DIAPH2: variants seen among roughly 807,000 people sequenced by gnomAD.
DIAPH2 encodes the protein protein diaphanous homolog 2.
In DIAPH2, 35 loss-of-function variants were observed where a neutral mutation model predicts 92.7. The ratio of observed to expected loss-of-function variants is 0.38; its 90% confidence interval spans 0.29 to 0.50. DIAPH2 has a LOEUF of 0.50. DIAPH2 is among the 20% of genes least tolerant of loss of function. DIAPH2 has a pLI of 0.94. For missense variants in DIAPH2, 701 were observed against 819.5 expected, an observed-to-expected ratio of 0.86 and a Z score of 1.77; for synonymous variants, 301 against 280.4, an observed-to-expected ratio of 1.07 and a Z score of -0.73.
At chrX:97,027,325 A>G (rs189080981) in intron 17 of DIAPH2, among the ~76,000 whole-genome samples, 5 of 112,281 alleles carry the variant, frequency 4.5e-5, no homozygotes, top group Non-Finnish European at 7.5e-5. Context: ...AAAATAATAG[A>G]TAAATCTAAA....
chrX:97,082,906 C>T (rs1025721344), intron 19 of DIAPH2, among the ~76,000 whole-genome samples: 1 of 111,674 alleles, frequency 9.0e-6, no homozygotes, highest in African/African-American at 3.3e-5. Flanking sequence ...CCCCAGCTAG[C>T]TCCCTATTCA....
intron 12 of DIAPH2, 81 bp downstream of exon 12, chrX:96,939,463 G>A (rs1280452505): frequency 3.5e-6 from 1 of 286,168 alleles, no homozygotes; most frequent in Non-Finnish European, 6.3e-6. Context: ...TGGGGCCTAA[G>A]CAATATATGC....
At chrX:96,994,334 A>G (rs2066090928) in intron 17 of DIAPH2, among the ~76,000 whole-genome samples, 1 of 112,027 alleles carries the variant, frequency 8.9e-6, no homozygotes, top group South Asian at 3.8e-4. Context: ...TGTCTTGCTC[A>G]TGCAGCAAGT....
At chrX:97,061,356 A>G (rs1447500684) in intron 17 of DIAPH2, among the ~76,000 whole-genome samples, 2 of 111,957 alleles carry the variant, frequency 1.8e-5, no homozygotes, top group African/African-American at 6.5e-5. Flanking sequence ...TCAGTTCTGG[A>G]CTTTTATTAG....
chrX:96,874,848 TAAG>T (rs2065168203), intron 4 of DIAPH2, among the ~76,000 whole-genome samples: 1 of 112,220 alleles, frequency 8.9e-6, no homozygotes, highest in Non-Finnish European at 1.9e-5. Flanking sequence ...TTTCATAACA[TAAG>T]AAGTAACAAT....
intron 13 of DIAPH2, among the ~76,000 whole-genome samples, chrX:96,943,303 G>A (rs963875358): frequency 9.0e-6 from 1 of 110,923 alleles, no homozygotes; most frequent in African/African-American, 3.3e-5. Flanking sequence ...AGTTATAAAT[G>A]AATGTGCTGT....
intron 4 of DIAPH2, among the ~76,000 whole-genome samples, chrX:96,837,073 G>A (rs185790674): frequency 9.1e-6 from 1 of 110,220 alleles, no homozygotes; most frequent in Admixed American, 9.7e-5. Flanking sequence ...CCAAAATAGT[G>A]GTGAAGTAAA....
chrX:96,905,606 T>C (rs940790048), intron 5 of DIAPH2, among the ~76,000 whole-genome samples: 3 of 111,545 alleles, frequency 2.7e-5, no homozygotes, highest in Non-Finnish European at 5.7e-5. Flanking sequence ...TGCTGATCAG[T>C]ATAAGTGGGT....
chrX:97,548,123 T>C (rs1410117365), intron 26 of DIAPH2, among the ~76,000 whole-genome samples: 3 of 111,819 alleles, frequency 2.7e-5, no homozygotes, highest in Admixed American at 9.5e-5. Context: ...ACTACTCCCT[T>C]CTAGAGAAAA....
At chrX:96,706,864 C>T (rs1292263021) in intron 1 of DIAPH2, among the ~76,000 whole-genome samples, 1 of 111,844 alleles carries the variant, frequency 8.9e-6, no homozygotes, top group African/African-American at 3.3e-5. Context: ...ATGTAGAGAT[C>T]TACAAAATTG....
intron 23 of DIAPH2, among the ~76,000 whole-genome samples, chrX:97,342,965 A>C (rs960109752): frequency 9.0e-6 from 1 of 111,376 alleles, no homozygotes; most frequent in Non-Finnish European, 1.9e-5. Context: ...TGTTGAAGGA[A>C]CAGAAAGAAG....
At chrX:97,423,479 G>GACAAC (rs973682092) in intron 25 of DIAPH2, among the ~76,000 whole-genome samples, 2 of 111,791 alleles carry the variant, frequency 1.8e-5, no homozygotes, top group Non-Finnish European at 3.8e-5. Context: ...TGAAAATTAA[G>GACAAC]ACAACACAAC....
At chrX:96,866,696 G>T (rs977042489) in intron 4 of DIAPH2, among the ~76,000 whole-genome samples, 9 of 111,729 alleles carry the variant, frequency 8.1e-5, no homozygotes, top group Admixed American at 1.9e-4. Context: ...AAGTTGAAAG[G>T]CTCATTCATT....
intron 20 of DIAPH2, among the ~76,000 whole-genome samples, chrX:97,104,426 TC>T (rs2066925551): frequency 1.8e-5 from 2 of 110,240 alleles, no homozygotes; most frequent in South Asian, 4.1e-4. Flanking sequence ...TCTCTCTGTG[TC>T]CCCCAGGGTG....
At chrX:97,225,161 A>C (rs1187184296) in intron 22 of DIAPH2, among the ~76,000 whole-genome samples, 1 of 111,384 alleles carries the variant, frequency 9.0e-6, no homozygotes, top group Non-Finnish European at 1.9e-5. Flanking sequence ...AATGATGTTG[A>C]CTGCTTGAAA....
At chrX:97,336,943 A>G (rs1251115993) in intron 23 of DIAPH2, among the ~76,000 whole-genome samples, 1 of 105,889 alleles carries the variant, frequency 9.4e-6, no homozygotes, top group Non-Finnish European at 2.0e-5. Flanking sequence ...CATTTTTTTT[A>G]TCCTAGCTGA....
At chrX:96,767,652 T>C (rs1012066513) in intron 4 of DIAPH2, among the ~76,000 whole-genome samples, 1 of 111,193 alleles carries the variant, frequency 9.0e-6, no homozygotes, top group Non-Finnish European at 1.9e-5. Flanking sequence ...TGTTGTTCAG[T>C]GTTCAAGATG....
intron 26 of DIAPH2, among the ~76,000 whole-genome samples, chrX:97,524,336 C>T (rs1237722391): frequency 2.7e-5 from 3 of 112,296 alleles, no homozygotes; most frequent in Admixed American, 1.9e-4. Context: ...CCGGAGAAAT[C>T]ATCCTCCAGA....
Position 97,161,408 on chromosome X carries a change from T to C in DIAPH2, c.2719+19614T>C, listed in dbSNP as rs753539311. Among the ~76,000 whole-genome samples the C allele has an allele frequency of 1.3e-4, 14 of 111,067 alleles. No individual in the cohort carries two copies. The South Asian group carries it at 3.5e-3, about 27-fold the overall frequency. On this transcript the variant is annotated intron_variant, in intron 22 of 26. Transcript: ENST00000324765. ...CTTCAAAAGTTTTTTGTGGGTTTTTTGTTTTTTTTTCTTGAGAAGTCTCAC... is the reference window on the plus strand; with the variant it reads ...CTTCAAAAGTTTTTTGTGGGTTTTTCGTTTTTTTTTCTTGAGAAGTCTCAC...
Sources: gnomAD v4.1 joint callset for allele counts (sites outside exome capture counted in the v4.1 genomes callset) on GRCh38, gnomAD v4.1.1 for gene constraint, MANE v1.5 for transcripts, NCBI Gene and HGNC (gene_info 2026-07-23, HGNC 2026-07-21) for gene names.